The following CWF19L2 variants were observed in gnomAD, a reference collection of about 807,000 sequenced individuals.
CWF19L2 encodes CWF19-like protein 2.
A neutral mutation model predicts 111.7 loss-of-function variants in CWF19L2; 98 were observed. The observed-to-expected ratio is 0.88, with a 90% CI of 0.75 to 1.04. The LOEUF is 1.04. Among genes scored for constraint, CWF19L2 ranks in the 50% least tolerant of loss-of-function variants. The pLI is 0.00. For missense variants in CWF19L2, 1,101 were observed against 1,051.4 expected (o/e 1.05, Z -0.65); for synonymous variants, 351 against 342.9 (o/e 1.02, Z -0.26).
At chr11:107,400,953 AAAAAC>A (rs1291503447) in intron 10 of CWF19L2, among the ~76,000 whole-genome samples, 1 of 152,224 alleles carries the variant, frequency 6.6e-6, no homozygotes, top group African/African-American at 2.4e-5. Context: ...AAAGAGAATT[AAAAAC>A]AAAAATCACA....
chr11:107,362,522 C>A (rs1037497575), intron 12 of CWF19L2, among the ~76,000 whole-genome samples: 1 of 152,068 alleles, frequency 6.6e-6, no homozygotes, highest in Admixed American at 6.5e-5. Context: ...GACCCCTGAC[C>A]CCCGAGCAGC....
chr11:107,354,646 T>C (rs1366426462), intron 12 of CWF19L2, among the ~76,000 whole-genome samples: 5 of 152,210 alleles, frequency 3.3e-5, no homozygotes, highest in Non-Finnish European at 5.9e-5. Context: ...ATATAATATT[T>C]TTAATAATTT....
At chr11:107,383,088 T>C (rs1240880884) in intron 12 of CWF19L2, among the ~76,000 whole-genome samples, 1 of 152,226 alleles carries the variant, frequency 6.6e-6, no homozygotes, top group Admixed American at 6.5e-5. Context: ...TATGATAACC[T>C]TTATAATAAA....
intron 6 of CWF19L2, among the ~76,000 whole-genome samples, chr11:107,435,203 C>T (rs1482797782): frequency 1.3e-5 from 2 of 152,148 alleles, no homozygotes; most frequent in South Asian, 2.1e-4. Context: ...TACTTCAAAA[C>T]CTAGATCTCT....
chr11:107,328,155 AAAC>A (rs1283631664), intron 17 of CWF19L2, among the ~76,000 whole-genome samples: 46 of 145,360 alleles, frequency 3.2e-4, no homozygotes, highest in African/African-American at 1.0e-3. Context: ...AAAAAAAAAA[AAAC>A]AATCTATTTG....
At chr11:107,363,248 T>C (rs143080138) in intron 12 of CWF19L2, among the ~76,000 whole-genome samples, 4 of 152,200 alleles carry the variant, frequency 2.6e-5, no homozygotes, top group Non-Finnish European at 5.9e-5. Flanking sequence ...GAAAACACTC[T>C]GCGGGATATT....
intron 12 of CWF19L2, among the ~76,000 whole-genome samples, chr11:107,386,410 T>C (rs1334613975): frequency 6.6e-6 from 1 of 152,184 alleles, no homozygotes. Context: ...TCAGCTCCTT[T>C]CTAAGGTCAA....
At chr11:107,457,379 C>T (rs2135435041) in intron 1 of CWF19L2, among the ~76,000 whole-genome samples, 1 of 152,308 alleles carries the variant, frequency 6.6e-6, no homozygotes, top group African/African-American at 2.4e-5. Flanking sequence ...GGCTGCGAGA[C>T]ATGCTGGCAG....
At chr11:107,416,893 C>G (rs774524640) in intron 9 of CWF19L2, among the ~76,000 whole-genome samples, 5 of 152,190 alleles carry the variant, frequency 3.3e-5, no homozygotes, top group African/African-American at 4.8e-5. Context: ...TAGATGACCT[C>G]TCTTTCACTA....
At chr11:107,344,520 T>C (rs1274456356) in intron 14 of CWF19L2, among the ~76,000 whole-genome samples, 1 of 152,226 alleles carries the variant, frequency 6.6e-6, no homozygotes, top group Non-Finnish European at 1.5e-5. Flanking sequence ...ACAGTTATTT[T>C]CTTTCAGCAC....
At chr11:107,414,279 G>T (rs1017482707) in intron 10 of CWF19L2, among the ~76,000 whole-genome samples, 4 of 151,818 alleles carry the variant, frequency 2.6e-5, no homozygotes, top group African/African-American at 9.7e-5. Context: ...CTGCAGCCTG[G>T]ACCTCCTGGC....
intron 12 of CWF19L2, among the ~76,000 whole-genome samples, chr11:107,365,068 A>T (rs1332855934): frequency 8.0e-6 from 1 of 124,382 alleles, no homozygotes; most frequent in Admixed American, 8.2e-5. Context: ...AAACTAGAAA[A>T]TCTAGAAGAA....
intron 10 of CWF19L2, among the ~76,000 whole-genome samples, chr11:107,410,592 A>C (rs1224544091): frequency 2.6e-5 from 4 of 152,328 alleles, no homozygotes; most frequent in Non-Finnish European, 4.4e-5. Flanking sequence ...TTCGAATACT[A>C]ATCTACTGAG....
chr11:107,456,682 G>C (rs1861860024), intron 1 of CWF19L2, among the ~76,000 whole-genome samples: 2 of 152,048 alleles, frequency 1.3e-5, no homozygotes, highest in Non-Finnish European at 2.9e-5. Flanking sequence ...AAATCATGGA[G>C]AGGTAGTCCA....
At chr11:107,442,430 C>T (rs1010600225) in intron 4 of CWF19L2, among the ~76,000 whole-genome samples, 3 of 151,942 alleles carry the variant, frequency 2.0e-5, no homozygotes, top group Non-Finnish European at 4.4e-5. Context: ...GTCTCTAATT[C>T]TAGCACTTTG....
chr11:107,400,038 C>G (rs1315410957), intron 10 of CWF19L2, among the ~76,000 whole-genome samples: 1 of 151,800 alleles, frequency 6.6e-6, no homozygotes, highest in Non-Finnish European at 1.5e-5. Flanking sequence ...AATGACACAA[C>G]CTATCAAAAC....
intron 10 of CWF19L2, among the ~76,000 whole-genome samples, chr11:107,402,158 A>C (rs758485099): frequency 1.3e-5 from 2 of 152,174 alleles, no homozygotes. Context: ...AAACCCTTCT[A>C]GACATTGGCT....
intron 5 of CWF19L2, among the ~76,000 whole-genome samples, chr11:107,440,316 G>T (rs746032058): frequency 6.6e-6 from 1 of 152,064 alleles, no homozygotes; most frequent in Non-Finnish European, 1.5e-5. Flanking sequence ...ATATACTACT[G>T]AAAATTAAAA....
chr11:107,452,268 T>G (rs866460459), intron 3 of CWF19L2, among the ~76,000 whole-genome samples: 2 of 151,870 alleles, frequency 1.3e-5, no homozygotes, highest in Non-Finnish European at 2.9e-5. Flanking sequence ...CAAAAGCAGG[T>G]TTTTTTTCAC....
Sources: allele counts gnomAD v4.1 joint callset (sites outside exome capture counted in the v4.1 genomes callset), GRCh38; gene constraint gnomAD v4.1.1; transcripts MANE v1.5; gene names NCBI Gene and HGNC (gene_info 2026-07-23, HGNC 2026-07-21).